Variants in LRRC8C observed in about 807,000 individuals in gnomAD.
The protein encoded by LRRC8C is volume-regulated anion channel subunit LRRC8C.
Under a neutral mutation model 55.3 loss-of-function variants are expected in LRRC8C, and 20 were observed. That is an observed-to-expected ratio of 0.36 (90% CI 0.25 to 0.53). The LOEUF (loss-of-function observed/expected upper bound fraction) is 0.53, where lower values mean the gene tolerates loss of function less well. Ranked by LOEUF, LRRC8C falls within the 20% of genes least tolerant of loss-of-function variation. LRRC8C has a pLI of 0.92. For missense variants in LRRC8C, 659 were observed against 951.4 expected (o/e 0.69, Z 4.04); for synonymous variants, 376 against 360.7 (o/e 1.04, Z -0.48).
upstream of LRRC8C, among the ~76,000 whole-genome samples, chr1:89,628,389 T>C (rs944998635): frequency 1.4e-4 from 21 of 152,160 alleles, no homozygotes; most frequent in Non-Finnish European, 2.8e-4. Flanking sequence ...ACTATTCCTT[T>C]ATTATTATTT....
chr1:89,634,012 C>G (rs1656211739), intron 1 of LRRC8C, among the ~76,000 whole-genome samples: 1 of 152,170 alleles, frequency 6.6e-6, no homozygotes, highest in African/African-American at 2.4e-5. Flanking sequence ...GTTAGCAACT[C>G]AGGAGCCTTA....
At chr1:89,657,072 T>A (rs936433128) in intron 1 of LRRC8C, among the ~76,000 whole-genome samples, 3 of 152,202 alleles carry the variant, frequency 2.0e-5, no homozygotes, top group African/African-American at 4.8e-5. Context: ...CATTATATTA[T>A]ACAAAATGGT....
rs1570735526 is a variant in LRRC8C at position 89,700,658 on chromosome 1, T to G, written c.139-12051T>G. 2.6e-5 allele frequency among the ~76,000 whole-genome samples: 4 copies of G among 152,232 alleles called. No homozygotes were observed. The South Asian group carries it at 8.3e-4, about 31-fold the overall frequency. On this transcript the variant is annotated intron_variant, in intron 2 of 2. Transcript: ENST00000370454. ...TCCTTCTTAGGTCAACAGGGAAAAC[T>G]TGGTTTGTTCCGTCAGACTGGGGGC...
chr1:89,706,340 A>T (rs1284162894), intron 2 of LRRC8C: 1 of 455,990 alleles, frequency 2.2e-6, no homozygotes, highest in East Asian at 6.9e-5. Flanking sequence ...TTTTGTTTTA[A>T]CCTCAGCCCT....
the LRRC8C span, among the ~76,000 whole-genome samples, chr1:89,618,712 G>A: frequency 6.6e-6 from 1 of 152,174 alleles, no homozygotes; most frequent in Non-Finnish European, 1.5e-5. Context: ...CTACACAATG[G>A]TTAGAGTAGT....
At chr1:89,643,560 G>T (rs1027133063) in intron 1 of LRRC8C, among the ~76,000 whole-genome samples, 1 of 152,184 alleles carries the variant, frequency 6.6e-6, no homozygotes, top group Non-Finnish European at 1.5e-5. Context: ...TATACAAAAA[G>T]TTGTGTTGCT....
rs1658766743 is a variant in LRRC8C at position 89,714,844 on chromosome 1, T to C, written c.2274T>C (p.Asp758=). Residue 758 remains aspartate (D), a synonymous_variant, in exon 3 of 3, where the codon GAT becomes GAC. Coordinates refer to ENST00000370454, the MANE Select transcript of LRRC8C (RefSeq NM_032270.5). This position sits in a 1 kb window ranked among gnomAD's most constrained non-coding sequence, Gnocchi z 4.6. ...IGNLLFLSYL[D]VKGNHFEILP... is the part of the protein sequence containing the mutation. ...ATTTGCTATTTCTTTCCTACTTAGATGTAAAAGGTAATCACTTTGAAATCC... is the reference window on the plus strand; with the variant it reads ...ATTTGCTATTTCTTTCCTACTTAGACGTAAAAGGTAATCACTTTGAAATCC... 2 of 1,614,026 alleles carry C rather than the reference T, an allele frequency of 1.2e-6. No homozygotes were observed. Among genetic ancestry groups the C allele is most frequent in the South Asian group, 2.2e-5 (2 of 91,086 alleles).
chr1:89,689,796 C>T (rs1657979124), intron 2 of LRRC8C, among the ~76,000 whole-genome samples: 1 of 152,042 alleles, frequency 6.6e-6, no homozygotes. Flanking sequence ...CAAAAATTAG[C>T]CGGGCATGTT....
intron 1 of LRRC8C, among the ~76,000 whole-genome samples, chr1:89,660,132 G>A (rs973951753): frequency 1.3e-5 from 2 of 152,106 alleles, no homozygotes; most frequent in African/African-American, 4.8e-5. Context: ...GTGGTGATCT[G>A]GGAATGGGTG....
intron 1 of LRRC8C, among the ~76,000 whole-genome samples, chr1:89,634,665 G>A (rs1656229347): frequency 6.6e-6 from 1 of 152,174 alleles, no homozygotes; most frequent in Admixed American, 6.5e-5. Context: ...TAAATAATTT[G>A]TTGAAAACCC....
chr1:89,709,741 G>GT (rs746711104), intron 2 of LRRC8C, among the ~76,000 whole-genome samples: 974 of 91,768 alleles, frequency 0.011, 10 homozygotes, highest in African/African-American at 0.025. Flanking sequence ...TTTGTGTGTG[G>GT]TTTTTTTTTG....
At chr1:89,653,022 G>A (rs529840823) in intron 1 of LRRC8C, among the ~76,000 whole-genome samples, 5 of 152,218 alleles carry the variant, frequency 3.3e-5, no homozygotes, top group South Asian at 2.1e-4. Context: ...GAGAGTGGTC[G>A]TTAAGAGAGG....
At chr1:89,634,010 C>G (rs1053477592) in intron 1 of LRRC8C, among the ~76,000 whole-genome samples, 1 of 152,190 alleles carries the variant, frequency 6.6e-6, no homozygotes, top group African/African-American at 2.4e-5. Context: ...GAGTTAGCAA[C>G]TCAGGAGCCT....
chr1:89,633,601 G>T (rs1656195607), intron 1 of LRRC8C, among the ~76,000 whole-genome samples: 1 of 152,154 alleles, frequency 6.6e-6, no homozygotes, highest in Non-Finnish European at 1.5e-5. Context: ...ACGCCGCGCC[G>T]CAGCGGCAGG....
intron 1 of LRRC8C, among the ~76,000 whole-genome samples, chr1:89,672,971 G>GTCCT (rs1022755549): frequency 1.3e-5 from 2 of 152,076 alleles, no homozygotes; most frequent in African/African-American, 4.8e-5. Context: ...CATAAACCCT[G>GTCCT]TCCTTTCCCT....
chr1:89,639,519 TC>T (rs1171843469), intron 1 of LRRC8C, among the ~76,000 whole-genome samples: 2 of 152,024 alleles, frequency 1.3e-5, no homozygotes, highest in African/African-American at 4.8e-5. Flanking sequence ...CATGCTCCCT[TC>T]CCCCCCAACA....
intron 1 of LRRC8C, among the ~76,000 whole-genome samples, chr1:89,634,848 G>T (rs906449897): frequency 3.9e-5 from 6 of 152,248 alleles, no homozygotes; most frequent in African/African-American, 1.2e-4. Context: ...GAGTGATTAA[G>T]TTCTGTCTTG....
At chr1:89,622,777 G>C in the LRRC8C span, among the ~76,000 whole-genome samples, 1 of 152,130 alleles carries the variant, frequency 6.6e-6, no homozygotes, top group South Asian at 2.1e-4. Flanking sequence ...TGCAGACCTG[G>C]TTGCTCTTAA....
At chr1:89,634,799 CAG>C (rs1160417292) in intron 1 of LRRC8C, among the ~76,000 whole-genome samples, 2 of 152,096 alleles carry the variant, frequency 1.3e-5, no homozygotes, top group Non-Finnish European at 2.9e-5. Context: ...CTTGCTTTAA[CAG>C]GGAAGGCCAA....
Sources: gnomAD v4.1 joint callset for allele counts (sites outside exome capture counted in the v4.1 genomes callset) on GRCh38, gnomAD v4.1.1 for gene constraint, Gnocchi (gnomAD v3.1) non-coding constraint, MANE v1.5 for transcripts, NCBI Gene and HGNC (gene_info 2026-07-23, HGNC 2026-07-21) for gene names.